DEPDC5: variants seen among roughly 807,000 people sequenced by gnomAD.
DEPDC5 encodes GATOR1 complex protein DEPDC5.
Under a neutral mutation model 217.3 loss-of-function variants are expected in DEPDC5, and 73 were observed. That is an observed-to-expected ratio of 0.34 (90% CI 0.28 to 0.41). The LOEUF (loss-of-function observed/expected upper bound fraction) is 0.41, where lower values mean the gene tolerates loss of function less well. DEPDC5 is among the 10% of genes least tolerant of loss of function. The pLI, the probability that DEPDC5 is intolerant of heterozygous loss-of-function variation, is 1.00. For synonymous variants in DEPDC5, 733 were observed against 756.7 expected, an observed-to-expected ratio of 0.97 and a Z score of 0.51; for missense variants, 1,675 against 2,070.1, an observed-to-expected ratio of 0.81 and a Z score of 3.70.
rs372204274 is a variant in DEPDC5 at position 31,906,626 on chromosome 22, T to TTTTGTTTGTTTG, written c.*149_*160dup. On this transcript the variant is annotated 3_prime_UTR_variant, in exon 43 of 43. Coordinates refer to ENST00000651528, the MANE Select transcript of DEPDC5 (RefSeq NM_001242896.3). This position sits in a 1 kb window ranked among gnomAD's most constrained non-coding sequence, Gnocchi z 5.1. ...CTATCAGTGAGTGGGGGCCATTGTT[T>TTTTGTTTGTTTG]TTTGTTTGTTTGTTTGTTTGTTTGT... The TTTTGTTTGTTTG allele has an allele frequency of 2.5e-6, 3 of 1,198,646 alleles. No individual in the cohort carries two copies. The highest frequency in any genetic ancestry group is 2.9e-5 in the South Asian group (2 of 68,188). The allele number at this position is 1,198,646 out of a possible 1,614,324, so 74.3% of individuals were successfully genotyped here. A position where few individuals can be genotyped will look rare whatever the true frequency, so the allele number is the denominator to read the frequency against.
At chr22:31,767,950 T>C (rs1020236263) in intron 6 of DEPDC5, among the ~76,000 whole-genome samples, 1 of 151,242 alleles carries the variant, frequency 6.6e-6, no homozygotes, top group Admixed American at 6.6e-5. Flanking sequence ...TTTCACCACG[T>C]TAGCCAGGAT....
At chr22:31,789,045 C>A (rs896545464) in intron 10 of DEPDC5, among the ~76,000 whole-genome samples, 3 of 151,890 alleles carry the variant, frequency 2.0e-5, no homozygotes, top group African/African-American at 7.3e-5. Context: ...TATAGGTGTG[C>A]GCCACCTTAC....
intron 4 of DEPDC5, among the ~76,000 whole-genome samples, chr22:31,761,016 C>G (rs189154562): frequency 1.4e-5 from 2 of 146,282 alleles, no homozygotes; most frequent in East Asian, 4.0e-4. Context: ...GTGTCTTGTT[C>G]TGTCACCCAG....
intron 24 of DEPDC5, among the ~76,000 whole-genome samples, chr22:31,826,275 G>A (rs1303340378): frequency 1.3e-5 from 2 of 152,152 alleles, no homozygotes; most frequent in African/African-American, 4.8e-5. Flanking sequence ...CCAAAGTGCT[G>A]GGATTACAGG....
chr22:31,880,433 T>G (rs1265642667), intron 38 of DEPDC5, among the ~76,000 whole-genome samples: 1 of 152,192 alleles, frequency 6.6e-6, no homozygotes, highest in Non-Finnish European at 1.5e-5. Flanking sequence ...ACCATGGGAT[T>G]TATCTTAAGG....
At chr22:31,839,520 C>G (rs964488011) in intron 27 of DEPDC5, among the ~76,000 whole-genome samples, 1 of 150,364 alleles carries the variant, frequency 6.7e-6, no homozygotes, top group Admixed American at 6.6e-5. Flanking sequence ...CTAACAAGAC[C>G]CCCCCTCCCC....
intron 22 of DEPDC5, among the ~76,000 whole-genome samples, chr22:31,819,983 C>CT (rs1336700592): frequency 1.3e-5 from 2 of 152,106 alleles, no homozygotes; most frequent in Non-Finnish European, 2.9e-5. Flanking sequence ...CTAGTCCATT[C>CT]TTTTTTATCT....
chr22:31,873,954 A>G, intron 35 of DEPDC5: 1 of 283,500 alleles, frequency 3.5e-6, no homozygotes, highest in Non-Finnish European at 6.8e-6. Flanking sequence ...CACCACGCCC[A>G]GCTGATTTTT....
intron 6 of DEPDC5, among the ~76,000 whole-genome samples, chr22:31,768,247 T>C (rs1275847791): frequency 6.6e-6 from 1 of 152,102 alleles, no homozygotes; most frequent in Non-Finnish European, 1.5e-5. Context: ...ACATTTCAAC[T>C]TGAAAAGATT....
intron 22 of DEPDC5, 135 bp from the exon 23 acceptor site, chr22:31,821,367 C>CCCTTGTACAATGTT: frequency 1.6e-6 from 2 of 1,269,848 alleles, no homozygotes; most frequent in Non-Finnish European, 1.1e-6. Flanking sequence ...TTGGGAGCCA[C>CCCTTGTACAATGTT]CCTCTGTGGT....
intron 38 of DEPDC5, among the ~76,000 whole-genome samples, chr22:31,881,861 G>A (rs947458241): frequency 6.6e-6 from 1 of 151,570 alleles, no homozygotes. Context: ...CAGGAGAATC[G>A]CTTGAATCTG....
chr22:31,825,364 C>A (rs1412733625), intron 24 of DEPDC5, among the ~76,000 whole-genome samples: 1 of 152,110 alleles, frequency 6.6e-6, no homozygotes, highest in African/African-American at 2.4e-5. Context: ...AACATGACAC[C>A]ATTGTGGAGT....
chr22:31,864,521 TATATTTATA>T (rs1569144647), intron 33 of DEPDC5, among the ~76,000 whole-genome samples: 2 of 133,554 alleles, frequency 1.5e-5, no homozygotes, highest in Non-Finnish European at 3.1e-5. Flanking sequence ...TATATATATA[TATATTTATA>T]TATTTATTTA....
At chr22:31,814,227 T>G (rs2088803884) in intron 20 of DEPDC5, 1 of 152,170 alleles carries the variant, frequency 6.6e-6, no homozygotes. Context: ...TTTTTACATG[T>G]TATTTATTTA....
Position 31,815,049 on chromosome 22 carries a change from A to G in DEPDC5, c.1503A>G (p.Ser501=). The change falls in exon 21 of 43, where the codon TCA becomes TCG. Residue 501 remains serine, a synonymous_variant. Coordinates refer to ENST00000651528, the MANE Select transcript of DEPDC5 (RefSeq NM_001242896.3). The stretch of plus-strand genomic sequence containing the variant: ...AGAGTGCCAGCTCCTGTGATGTTTC[A>G]TCCAGCCCTTCCCTACCAAGCCGCA... ...SRKSASSCDV[S]SSPSLPSRTL... The G allele has an allele frequency of 6.2e-7, 1 of 1,614,162 alleles. No homozygotes were observed. Among genetic ancestry groups the G allele is most frequent in the Admixed American group, 1.7e-5 (1 of 60,010 alleles).
At chr22:31,820,134 C>T (rs1431058490) in intron 22 of DEPDC5, among the ~76,000 whole-genome samples, 1 of 150,628 alleles carries the variant, frequency 6.6e-6, no homozygotes, top group Non-Finnish European at 1.5e-5. Flanking sequence ...GTGTGTGAGA[C>T]AGTGTCTCAC....
At chr22:31,893,906 A>C in intron 39 of DEPDC5, 155 bp downstream of exon 39, 1 of 906,104 alleles carries the variant, frequency 1.1e-6, no homozygotes, top group Middle Eastern at 3.6e-4. Context: ...AAATTTAAAC[A>C]TAGTAAAAAT....
intron 31 of DEPDC5, among the ~76,000 whole-genome samples, chr22:31,847,703 C>T (rs539607998): frequency 6.6e-6 from 1 of 152,246 alleles, no homozygotes; most frequent in African/African-American, 2.4e-5. Flanking sequence ...ATTATGGGAA[C>T]CATAACTCAA....
At chr22:31,853,862 C>T (rs1200298562) in intron 31 of DEPDC5, among the ~76,000 whole-genome samples, 1 of 152,170 alleles carries the variant, frequency 6.6e-6, no homozygotes, top group Non-Finnish European at 1.5e-5. Context: ...CATGTTCTGT[C>T]CAAGGTGGCT....
Sources: allele counts gnomAD v4.1 joint callset (sites outside exome capture counted in the v4.1 genomes callset), GRCh38; gene constraint gnomAD v4.1.1; non-coding constraint Gnocchi (gnomAD v3.1); transcripts MANE v1.5; gene names NCBI Gene and HGNC (gene_info 2026-07-23, HGNC 2026-07-21).